Variants in ROBO2 observed in about 807,000 individuals in gnomAD.
ROBO2 encodes roundabout homolog 2.
In ROBO2, 53 loss-of-function variants were observed where a neutral mutation model predicts 160.8. That is an observed-to-expected ratio of 0.33 (90% confidence interval 0.26 to 0.41). The LOEUF is 0.41. ROBO2 is among the 10% of genes least tolerant of loss of function. The probability of loss-of-function intolerance (pLI) is 1.00; values close to 1 mark genes in which losing one functional copy is unlikely to be tolerated. For synonymous variants in ROBO2, 664 were observed against 611.7 expected (o/e 1.09, Z -1.26); for missense variants, 1,577 against 1,722.4 (o/e 0.92, Z 1.49).
chr3:76,772,909 T>C (rs899985240), intron 2 of ROBO2, among the ~76,000 whole-genome samples: 1 of 151,210 alleles, frequency 6.6e-6, no homozygotes, highest in Non-Finnish European at 1.5e-5. Context: ...TTTTTCTGTG[T>C]GCACTTTCTG....
chr3:77,356,282 C>T (rs1023625386), intron 2 of ROBO2, among the ~76,000 whole-genome samples: 4 of 151,848 alleles, frequency 2.6e-5, no homozygotes, highest in African/African-American at 9.7e-5. Context: ...CATGATTCTA[C>T]TGATAGCTAA....
chr3:77,617,464 G>A, intron 21 of ROBO2, 49 bp from the exon 23 acceptor site: 3 of 1,604,722 alleles, frequency 1.9e-6, no homozygotes. Context: ...GTGCATGTAT[G>A]TGTATATGTA....
intron 2 of ROBO2, among the ~76,000 whole-genome samples, chr3:77,437,660 C>G (rs923555294): frequency 2.6e-5 from 4 of 151,906 alleles, no homozygotes; most frequent in African/African-American, 9.7e-5. Context: ...CATTATTCAT[C>G]GTAAGCTTAC....
chr3:76,745,833 T>G (rs2093878933), intron 2 of ROBO2, among the ~76,000 whole-genome samples: 1 of 149,604 alleles, frequency 6.7e-6, no homozygotes, highest in Non-Finnish European at 1.5e-5. Context: ...ATTTATTTAT[T>G]TATTTTATTA....
At chr3:76,968,105 A>G (rs1170291768) in intron 2 of ROBO2, among the ~76,000 whole-genome samples, 1 of 152,174 alleles carries the variant, frequency 6.6e-6, no homozygotes, top group Middle Eastern at 3.2e-3. Context: ...GAATATCTTG[A>G]ATAAGTTTCT....
At chr3:76,620,414 G>A (rs906392014) in intron 2 of ROBO2, among the ~76,000 whole-genome samples, 15 of 151,938 alleles carry the variant, frequency 9.9e-5, no homozygotes, top group Admixed American at 3.3e-4. Context: ...AAGGTTTATC[G>A]TGGAGCAAAA....
chr3:77,317,362 T>C, intron 2 of ROBO2: 1 of 899,614 alleles, frequency 1.1e-6, no homozygotes, highest in Non-Finnish European at 1.8e-6. Context: ...CTCATCTCGG[T>C]GCCTAGTGTA....
chr3:76,216,955 A>G (rs1210192901), intron 2 of ROBO2, among the ~76,000 whole-genome samples: 3 of 152,178 alleles, frequency 2.0e-5, no homozygotes, highest in African/African-American at 7.2e-5. Context: ...ATTATAACAA[A>G]CTATCTCTCA....
intron 2 of ROBO2, among the ~76,000 whole-genome samples, chr3:76,429,375 T>A (rs1481931708): frequency 6.6e-6 from 1 of 152,198 alleles, no homozygotes; most frequent in Non-Finnish European, 1.5e-5. Context: ...AGGGTTGTTA[T>A]GTGGTTGGAG....
intron 2 of ROBO2, among the ~76,000 whole-genome samples, chr3:77,004,323 A>T (rs1303633730): frequency 6.6e-6 from 1 of 152,226 alleles, no homozygotes; most frequent in African/African-American, 2.4e-5. Flanking sequence ...TATGAAAAGA[A>T]GAAAGAGGTA....
intron 2 of ROBO2, among the ~76,000 whole-genome samples, chr3:77,338,645 A>G (rs759839804): frequency 6.6e-6 from 1 of 152,136 alleles, no homozygotes; most frequent in African/African-American, 2.4e-5. Context: ...TTGAATTAAA[A>G]TATTGACGTG....
intron 2 of ROBO2, among the ~76,000 whole-genome samples, chr3:76,493,360 T>TATATATATATATATATATATATATATA (rs1431991929): frequency 2.2e-5 from 3 of 138,932 alleles, no homozygotes; most frequent in African/African-American, 7.8e-5. Context: ...TATATATATA[T>TATATATATATATATATATATATATATA]ATATAATTGT....
intron 2 of ROBO2, among the ~76,000 whole-genome samples, chr3:76,682,854 T>C (rs942017102): frequency 5.9e-5 from 9 of 152,192 alleles, no homozygotes; most frequent in Non-Finnish European, 8.8e-5. Context: ...GTTGAAGATA[T>C]CTGCAGGACA....
intron 2 of ROBO2, among the ~76,000 whole-genome samples, chr3:77,221,869 T>C (rs2085859595): frequency 6.6e-6 from 1 of 150,580 alleles, no homozygotes; most frequent in Admixed American, 6.6e-5. Flanking sequence ...TTTTTTTTTT[T>C]TTGAGACAGA....
intron 2 of ROBO2, among the ~76,000 whole-genome samples, chr3:77,171,405 A>G (rs370295244): frequency 2.6e-5 from 4 of 152,232 alleles, no homozygotes; most frequent in African/African-American, 9.6e-5. Flanking sequence ...TTTAGAGGAT[A>G]ACAAGAATTG....
chr3:77,502,630 C>T (rs1180162203), intron 5 of ROBO2, among the ~76,000 whole-genome samples: 2 of 151,958 alleles, frequency 1.3e-5, no homozygotes, highest in Non-Finnish European at 2.9e-5. Flanking sequence ...TCTATGGGTG[C>T]CACATCTGTG....
chr3:76,741,852 A>G (rs986725186), intron 2 of ROBO2, among the ~76,000 whole-genome samples: 3 of 152,020 alleles, frequency 2.0e-5, no homozygotes, highest in African/African-American at 7.2e-5. Flanking sequence ...TTTTTTCTGA[A>G]TGTCCAAGTT....
intron 4 of ROBO2, among the ~76,000 whole-genome samples, chr3:77,491,621 G>A (rs778794908): frequency 2.6e-5 from 4 of 152,100 alleles, no homozygotes; most frequent in African/African-American, 4.8e-5. Flanking sequence ...TATTTTATCC[G>A]ACATGTTGTC....
At chr3:77,427,685 A>G (rs745377725) in intron 2 of ROBO2, among the ~76,000 whole-genome samples, 8 of 152,120 alleles carry the variant, frequency 5.3e-5, no homozygotes, top group Non-Finnish European at 8.8e-5. Flanking sequence ...TCATAAAACA[A>G]TTTTCCCAAG....
Sources: gnomAD v4.1 joint callset for allele counts (sites outside exome capture counted in the v4.1 genomes callset) on GRCh38, gnomAD v4.1.1 for gene constraint, MANE v1.5 for transcripts, NCBI Gene and HGNC (gene_info 2026-07-23, HGNC 2026-07-21) for gene names.